Variants in KIRREL3 observed in about 807,000 individuals in gnomAD.
KIRREL3 encodes kin of IRRE-like protein 3.
Under a neutral mutation model 89.7 loss-of-function variants are expected in KIRREL3, and 36 were observed. That is an observed-to-expected ratio of 0.40 (90% CI 0.31 to 0.53). The LOEUF (loss-of-function observed/expected upper bound fraction) is 0.53. Among genes scored for constraint, KIRREL3 ranks in the 20% least tolerant of loss-of-function variants. The pLI is 0.49. For missense variants in KIRREL3, 864 were observed against 1,056.6 expected (o/e 0.82, Z 2.53); for synonymous variants, 445 against 441.4 (o/e 1.01, Z -0.10).
chr11:126,895,355 T>C (rs1213920563), intron 1 of KIRREL3, among the ~76,000 whole-genome samples: 1 of 150,530 alleles, frequency 6.6e-6, no homozygotes, highest in Non-Finnish European at 1.5e-5. Context: ...CCCAGGTACT[T>C]GGGAGGCTGA....
chr11:126,437,468 C>T (rs536588126), intron 11 of KIRREL3, among the ~76,000 whole-genome samples: 25 of 152,298 alleles, frequency 1.6e-4, no homozygotes, highest in African/African-American at 5.3e-4. Context: ...CACCACACTA[C>T]AAACATGCAT....
chr11:126,690,662 A>G (rs1946844497), intron 1 of KIRREL3, among the ~76,000 whole-genome samples: 1 of 152,222 alleles, frequency 6.6e-6, no homozygotes, highest in African/African-American at 2.4e-5. Flanking sequence ...TTGGCAAAAG[A>G]GGGAATGCAG....
At position 126,436,971 on chromosome 11, in the gene KIRREL3, T is replaced by G. The variant is rs1350905534; in HGVS notation, c.1392A>C (p.Thr464=). The G allele has an allele frequency of 3.8e-6, 6 of 1,583,354 alleles. No individual in the cohort carries two copies. Among genetic ancestry groups the G allele is most frequent in the Non-Finnish European group, 5.2e-6 (6 of 1,160,330 alleles). ...SWKENVLESG[T]SGRYTVETIS... ...TGGTCTCCACCGTATAGCGCCCCGA[T>G]GTGCCCGACTCCAGAACGTTCTCCT... The change falls in exon 12 of 17, where the codon ACA becomes ACC. Residue 464 remains threonine (T), a synonymous_variant. Transcript: ENST00000525144.
rs1943136594 is a variant in KIRREL3, at chr11:126,611,687, T to G, written c.56-48775A>C. ...GCTGCTCTCTGGGCTGCACGCACGTTGGGTTCACTGATCGCAGAGTCTTTT... is the reference window on the plus strand; with the variant it reads ...GCTGCTCTCTGGGCTGCACGCACGTGGGGTTCACTGATCGCAGAGTCTTTT... On this transcript the variant is annotated intron_variant, in intron 1 of 16. Coordinates refer to ENST00000525144, the MANE Select transcript of KIRREL3 (RefSeq NM_032531.4). This position sits in a 1 kb window ranked among gnomAD's most constrained non-coding sequence, Gnocchi z 4.7. 3.3e-5 allele frequency among the ~76,000 whole-genome samples: 5 copies of G among 152,188 alleles called. No homozygotes were observed. The highest frequency in any genetic ancestry group is 3.3e-4 in the Admixed American group (5 of 15,284).
In KIRREL3 at chr11:126,428,027, C is replaced by T. The variant is rs940995185; in HGVS notation, c.1806+1152G>A. Among the ~76,000 whole-genome samples the T allele has an allele frequency of 1.3e-5, 2 of 152,172 alleles. No homozygotes were observed. Among genetic ancestry groups the T allele is most frequent in the Non-Finnish European group, 2.9e-5 (2 of 68,038 alleles). On this transcript the variant is annotated intron_variant, in intron 15 of 16. Transcript: ENST00000525144. This position sits in a 1 kb window ranked among gnomAD's most constrained non-coding sequence, Gnocchi z 6.4. ...TCAGTAAACGTCTGTGAGCCTCTACCAGGGCCTGTGTAAGGCTCCGAAGAC... is the reference window on the plus strand; with the variant it reads ...TCAGTAAACGTCTGTGAGCCTCTACTAGGGCCTGTGTAAGGCTCCGAAGAC...
intron 1 of KIRREL3, among the ~76,000 whole-genome samples, chr11:126,839,357 C>T (rs968832153): frequency 1.3e-5 from 2 of 151,922 alleles, no homozygotes; most frequent in African/African-American, 4.8e-5. Context: ...ACATGCAACA[C>T]GTGGATGAAG....
intron 1 of KIRREL3, among the ~76,000 whole-genome samples, chr11:126,670,756 A>G (rs1945903320): frequency 6.6e-6 from 1 of 152,238 alleles, no homozygotes; most frequent in South Asian, 2.1e-4. Context: ...TTTAACGAAG[A>G]AAAAATTAAC....
chr11:126,986,508 C>G (rs1037699043), intron 1 of KIRREL3, among the ~76,000 whole-genome samples: 3 of 152,116 alleles, frequency 2.0e-5, no homozygotes, highest in African/African-American at 7.2e-5. Flanking sequence ...TTCTAAAGTG[C>G]AGGTAGAAGA....
At position 126,591,158 on chromosome 11, in the gene KIRREL3, G is replaced by A. The variant is rs540700587; in HGVS notation, c.56-28246C>T. On this transcript the variant is annotated intron_variant, in intron 1 of 16. Coordinates refer to ENST00000525144, the MANE Select transcript of KIRREL3 (RefSeq NM_032531.4). ...GGAGGATCGCTTGAGCCCGGGTGGAGGAGGTTGCAGTGAGCCGTTATTGGA... is the reference window on the plus strand; with the variant it reads ...GGAGGATCGCTTGAGCCCGGGTGGAAGAGGTTGCAGTGAGCCGTTATTGGA... 7.9e-5 allele frequency among the ~76,000 whole-genome samples: 12 copies of A among 152,280 alleles called. No homozygotes were observed. The South Asian group carries it at 1.5e-3, about 18-fold the overall frequency.
chr11:126,851,997 C>G (rs534272377), intron 1 of KIRREL3, among the ~76,000 whole-genome samples: 6 of 151,332 alleles, frequency 4.0e-5, no homozygotes, highest in African/African-American at 1.5e-4. Flanking sequence ...TACTGGCTTT[C>G]CATTTGCCAC....
rs1014189468 is a variant in KIRREL3 at position 126,430,087 on chromosome 11, G to A, written c.1697-799C>T. Among the ~76,000 whole-genome samples, 15 of 151,304 alleles carry A rather than the reference G, an allele frequency of 9.9e-5. 1 individual carries two copies. The highest frequency in any genetic ancestry group is 2.0e-4 in the African/African-American group (8 of 40,936). On this transcript the variant is annotated intron_variant, in intron 14 of 16. Coordinates refer to ENST00000525144, the MANE Select transcript of KIRREL3 (RefSeq NM_032531.4). This position sits in a 1 kb window ranked among gnomAD's most constrained non-coding sequence, Gnocchi z 6.6. Reference sequence around the variant, plus strand: ...CGGGAGGCAGCGGCTGCGGTAAGCCGAGATTGTGCCACTGCACTCCAGCCT... The same window carrying A: ...CGGGAGGCAGCGGCTGCGGTAAGCCAAGATTGTGCCACTGCACTCCAGCCT...
At position 126,562,740 on chromosome 11, in the gene KIRREL3, C is replaced by T. The variant is rs752157489; in HGVS notation, c.133+95G>A. 2.9e-5 allele frequency: 30 copies of T among 1,039,424 alleles called. No homozygotes were observed. The highest frequency in any genetic ancestry group is 5.6e-5 in the Admixed American group (3 of 53,820). The allele number at this position is 1,039,424 out of a possible 1,614,324, so 64.4% of individuals were successfully genotyped here. Reference sequence around the variant, plus strand: ...CCCACTGTCCCCTTCTGAGAGGTCCCAGGTTCTTATTCCTGGTTCCTCTGT... The same window carrying T: ...CCCACTGTCCCCTTCTGAGAGGTCCTAGGTTCTTATTCCTGGTTCCTCTGT... On this transcript the variant is annotated intron_variant, in intron 2 of 16. Coordinates refer to ENST00000525144, the MANE Select transcript of KIRREL3 (RefSeq NM_032531.4). The surrounding 1 kb of genome is among the most constrained non-coding windows in gnomAD (Gnocchi z 4.7).
chr11:126,952,556 C>A (rs1948803405), intron 1 of KIRREL3, among the ~76,000 whole-genome samples: 1 of 152,142 alleles, frequency 6.6e-6, no homozygotes, highest in African/African-American at 2.4e-5. Flanking sequence ...ATGATGGTTT[C>A]TTTTGCTATG....
chr11:126,914,007 T>G (rs147662230), intron 1 of KIRREL3, among the ~76,000 whole-genome samples: 1 of 152,244 alleles, frequency 6.6e-6, no homozygotes, highest in African/African-American at 2.4e-5. Flanking sequence ...TGTTTCCAAC[T>G]ATTTGCAGGT....
Position 126,623,520 on chromosome 11 carries a change from G to A in KIRREL3, c.56-60608C>T, listed in dbSNP as rs1409412667. ...GGTGAGATTTTGTAGCCACTGGAAT[G>A]ATCAGAAAAACGTCTGTGTGAATCT... is the stretch of plus-strand genomic sequence containing the variant. On this transcript the variant is annotated intron_variant, in intron 1 of 16. Transcript: ENST00000525144. The surrounding 1 kb of genome is among the most constrained non-coding windows in gnomAD (Gnocchi z 4.1). 1.3e-5 allele frequency among the ~76,000 whole-genome samples: 2 copies of A among 152,096 alleles called. No individual in the cohort carries two copies. Among genetic ancestry groups the A allele is most frequent in the African/African-American group, 4.8e-5 (2 of 41,414 alleles).
chr11:126,451,234 TG>T (rs1956116893), intron 7 of KIRREL3, among the ~76,000 whole-genome samples: 1 of 146,722 alleles, frequency 6.8e-6, no homozygotes, highest in Non-Finnish European at 1.5e-5. Context: ...TGTATGCATG[TG>T]TACATGTGTG....
chr11:126,923,110 C>CCTT (rs200048495), intron 1 of KIRREL3, among the ~76,000 whole-genome samples: 1,021 of 68,470 alleles, frequency 0.015, 129 homozygotes, highest in African/African-American at 0.088. Context: ...TTCTCCTTCT[C>CCTT]CTTCTCCTTC....
rs1430869661 is a variant in KIRREL3 at position 126,724,643 on chromosome 11, G to GT, written c.56-161732dup. ...CATGTCGAGATTGAATTCAGGTATA[G>GT]TTTTAGCTGCCTTCCTTCTTGAAAC... On this transcript the variant is annotated intron_variant, in intron 1 of 16. Transcript: ENST00000525144. The surrounding 1 kb of genome is among the most constrained non-coding windows in gnomAD (Gnocchi z 4.3). 6.6e-6 allele frequency among the ~76,000 whole-genome samples: 1 copy of GT among 152,196 alleles called. No homozygotes were observed. The highest frequency in any genetic ancestry group is 1.9e-4 in the East Asian group (1 of 5,182).
chr11:126,468,939 G>C (rs531945799), intron 5 of KIRREL3, among the ~76,000 whole-genome samples: 2 of 152,316 alleles, frequency 1.3e-5, no homozygotes, highest in Non-Finnish European at 2.9e-5. Context: ...CTATGACACC[G>C]ATGTCTGCAT....
Sources: allele counts gnomAD v4.1 joint callset (sites outside exome capture counted in the v4.1 genomes callset), GRCh38; gene constraint gnomAD v4.1.1; non-coding constraint Gnocchi (gnomAD v3.1); transcripts MANE v1.5; gene names NCBI Gene and HGNC (gene_info 2026-07-23, HGNC 2026-07-21).